PPP2R3A: variants seen among roughly 807,000 people sequenced by gnomAD.
PPP2R3A encodes the protein protein phosphatase 2 regulatory subunit B''alpha, also known as serine/threonine-protein phosphatase 2A regulatory subunit B'' subunit alpha.
Under a neutral mutation model 106.9 loss-of-function variants are expected in PPP2R3A, and 80 were observed. That is an observed-to-expected ratio of 0.75 (90% CI 0.62 to 0.90). The LOEUF is 0.90. Among genes scored for constraint, PPP2R3A ranks in the 40% least tolerant of loss-of-function variants. The pLI, the probability that PPP2R3A is intolerant of heterozygous loss-of-function variation, is 0.00. For missense variants in PPP2R3A, 1,386 were observed against 1,350.4 expected, an observed-to-expected ratio of 1.03 and a Z score of -0.41; for synonymous variants, 483 against 468.3, an observed-to-expected ratio of 1.03 and a Z score of -0.41.
At chr3:136,071,259 G>A (rs941844884) in intron 6 of PPP2R3A, among the ~76,000 whole-genome samples, 6 of 152,236 alleles carry the variant, frequency 3.9e-5, no homozygotes, top group South Asian at 2.1e-4. Context: ...AAACAGGGCC[G>A]TCTCCTCTGA....
intron 6 of PPP2R3A, among the ~76,000 whole-genome samples, chr3:136,072,839 A>G (rs1936478698): frequency 1.3e-5 from 2 of 152,194 alleles, no homozygotes; most frequent in South Asian, 4.1e-4. Flanking sequence ...TTATGGTTCT[A>G]GTTTGATATT....
Position 136,001,436 on chromosome 3 carries a change from G to A in PPP2R3A, c.-63G>A. 1 of 1,347,270 alleles carries A rather than the reference G, an allele frequency of 7.4e-7. No individual in the cohort carries two copies. The highest frequency in any genetic ancestry group is 1.0e-6 in the Non-Finnish European group (1 of 968,830). 83.5% of individuals were successfully genotyped at this position (1,347,270 alleles called of 1,614,324 possible). ...ATATTTTCAGCTAACTGTCATTTAG[G>A]AGAATTTTCATGAAACAAGTTCTAG... On this transcript the variant is annotated 5_prime_UTR_variant, in exon 2 of 14. Transcript: ENST00000264977.
intron 4 of PPP2R3A, among the ~76,000 whole-genome samples, chr3:136,043,182 G>A (rs749167426): frequency 2.6e-5 from 4 of 151,828 alleles, no homozygotes; most frequent in Non-Finnish European, 4.4e-5. Flanking sequence ...GGAAATGGCC[G>A]GGCGTGGTGG....
intron 2 of PPP2R3A, among the ~76,000 whole-genome samples, chr3:136,015,069 C>G (rs1934223741): frequency 6.6e-6 from 1 of 152,128 alleles, no homozygotes; most frequent in Non-Finnish European, 1.5e-5. Context: ...TTTCCCGCAT[C>G]TATTTGAAAT....
chr3:136,145,852 AAC>A lies in PPP2R3A; in HGVS notation c.*689_*690del, dbSNP rs1312160657. Reference sequence around the variant, plus strand: ...CTTATATAAAATCTCAAGATAAAAAAACACTTCTTAAATGAAGTATAGAATTT... The same window carrying A: ...CTTATATAAAATCTCAAGATAAAAAAACTTCTTAAATGAAGTATAGAATTT... On this transcript the variant is annotated 3_prime_UTR_variant, in exon 14 of 14. Coordinates refer to ENST00000264977, the MANE Select transcript of PPP2R3A (RefSeq NM_002718.5). 2.6e-5 allele frequency: 4 copies of A among 152,440 alleles called. No individual in the cohort carries two copies. Among genetic ancestry groups the A allele is most frequent in the Admixed American group, 1.3e-4 (2 of 15,282 alleles). The allele number at this position is 152,440 out of a possible 1,614,324, so 9.4% of individuals were successfully genotyped here.
intron 9 of PPP2R3A, among the ~76,000 whole-genome samples, chr3:136,090,136 T>C (rs974322617): frequency 6.6e-6 from 1 of 152,170 alleles, no homozygotes; most frequent in Admixed American, 6.5e-5. Flanking sequence ...TCCAGTACTA[T>C]GTTGAATAGA....
At chr3:136,014,739 G>T (rs887655887) in intron 2 of PPP2R3A, among the ~76,000 whole-genome samples, 1 of 152,030 alleles carries the variant, frequency 6.6e-6, no homozygotes, top group African/African-American at 2.4e-5. Flanking sequence ...TGAGTCTTTA[G>T]GGTTTTCCAG....
At chr3:135,969,248 G>A (rs1937173216) in intron 1 of PPP2R3A, among the ~76,000 whole-genome samples, 1 of 152,114 alleles carries the variant, frequency 6.6e-6, no homozygotes, top group African/African-American at 2.4e-5. Flanking sequence ...GGTTACTGTG[G>A]ATAACATAGG....
chr3:136,027,122 AC>A, intron 3 of PPP2R3A, 24 bp downstream of exon 3: 1 of 1,589,034 alleles, frequency 6.3e-7, no homozygotes, highest in Non-Finnish European at 8.6e-7. Context: ...TAAATGATTT[AC>A]AATCTCCCCT....
At chr3:136,011,140 A>G (rs1018561367) in intron 2 of PPP2R3A, among the ~76,000 whole-genome samples, 1 of 152,044 alleles carries the variant, frequency 6.6e-6, no homozygotes, top group South Asian at 2.1e-4. Context: ...CTTTGTAAAA[A>G]TATCACTTCA....
intron 7 of PPP2R3A, among the ~76,000 whole-genome samples, chr3:136,080,332 C>G (rs893036860): frequency 6.6e-6 from 1 of 152,104 alleles, no homozygotes; most frequent in Non-Finnish European, 1.5e-5. Flanking sequence ...AGTGAACATC[C>G]TTGTATGGGG....
intron 1 of PPP2R3A, among the ~76,000 whole-genome samples, chr3:135,974,145 C>G (rs933503771): frequency 3.3e-5 from 5 of 152,222 alleles, no homozygotes; most frequent in Non-Finnish European, 2.9e-5. Context: ...GCATTTCCCT[C>G]TCACCTTATT....
chr3:136,104,026 TTA>T (rs1380631014), intron 12 of PPP2R3A, among the ~76,000 whole-genome samples: 2 of 152,170 alleles, frequency 1.3e-5, no homozygotes, highest in African/African-American at 2.4e-5. Context: ...GAAGTAAAAA[TTA>T]TGTTAAGAAC....
chr3:136,019,680 A>G (rs965264039), intron 2 of PPP2R3A, among the ~76,000 whole-genome samples: 2 of 152,214 alleles, frequency 1.3e-5, no homozygotes, highest in Non-Finnish European at 2.9e-5. Flanking sequence ...TTCAAACACA[A>G]GTAAATAAGT....
chr3:136,140,453 A>ACAAAAAAAC (rs1553761399), intron 13 of PPP2R3A, among the ~76,000 whole-genome samples: 5 of 149,762 alleles, frequency 3.3e-5, no homozygotes, highest in African/African-American at 1.3e-4. Flanking sequence ...AAAAAAAAAA[A>ACAAAAAAAC]AAAAAAAAAA....
chr3:136,049,239 A>G lies in PPP2R3A; in HGVS notation c.2367-20A>G, dbSNP rs767784932. On this transcript the variant is annotated intron_variant, in intron 4 of 13. Coordinates refer to ENST00000264977, the MANE Select transcript of PPP2R3A (RefSeq NM_002718.5). ...TTGTTCAGAGGAACTAATCTTCCTAAGCAGTTGTTTCTTTTATAGGTTGCT... is the reference window on the plus strand; with the variant it reads ...TTGTTCAGAGGAACTAATCTTCCTAGGCAGTTGTTTCTTTTATAGGTTGCT... 3 of 1,552,752 alleles carry G rather than the reference A, an allele frequency of 1.9e-6. No individual in the cohort carries two copies. The highest frequency in any genetic ancestry group is 2.7e-6 in the Non-Finnish European group (3 of 1,131,504).
At chr3:136,032,790 T>G (rs1304242919) in intron 3 of PPP2R3A, among the ~76,000 whole-genome samples, 1 of 152,182 alleles carries the variant, frequency 6.6e-6, no homozygotes, top group African/African-American at 2.4e-5. Context: ...CGCCTCGGCC[T>G]TCCAAAGTGC....
At chr3:136,012,670 G>A (rs567875728) in intron 2 of PPP2R3A, among the ~76,000 whole-genome samples, 1 of 152,212 alleles carries the variant, frequency 6.6e-6, no homozygotes, top group African/African-American at 2.4e-5. Context: ...AGTTAGAGCA[G>A]AAAGGTTATG....
chr3:136,133,237 A>G (rs1332856975), intron 13 of PPP2R3A, among the ~76,000 whole-genome samples: 2 of 152,128 alleles, frequency 1.3e-5, no homozygotes, highest in Non-Finnish European at 2.9e-5. Context: ...CCAGGAGAAA[A>G]TATTTCCAAA....
Sources: allele counts gnomAD v4.1 joint callset (sites outside exome capture counted in the v4.1 genomes callset), GRCh38; gene constraint gnomAD v4.1.1; transcripts MANE v1.5; gene names NCBI Gene and HGNC (gene_info 2026-07-23, HGNC 2026-07-21).